KAZN: variants seen among roughly 807,000 people sequenced by gnomAD.
KAZN encodes the protein kazrin.
Under a neutral mutation model 87.4 loss-of-function variants are expected in KAZN, and 40 were observed. That is an observed-to-expected ratio of 0.46 (90% CI 0.36 to 0.60). The LOEUF (loss-of-function observed/expected upper bound fraction) is 0.60. KAZN is among the 20% of genes least tolerant of loss of function. The probability of loss-of-function intolerance (pLI) is 0.00; values close to 1 mark genes in which losing one functional copy is unlikely to be tolerated. For synonymous variants in KAZN, 466 were observed against 458.3 expected, an observed-to-expected ratio of 1.02 and a Z score of -0.22; for missense variants, 898 against 1,073.9, an observed-to-expected ratio of 0.84 and a Z score of 2.29.
intron 1 of KAZN, among the ~76,000 whole-genome samples, chr1:14,719,249 T>C (rs2100271625): frequency 6.6e-6 from 1 of 152,254 alleles, no homozygotes; most frequent in East Asian, 1.9e-4. Flanking sequence ...ATTATTCAGT[T>C]ATAGGTTCAT....
intron 2 of KAZN, among the ~76,000 whole-genome samples, chr1:14,407,875 T>C (rs576846524): frequency 3.9e-5 from 6 of 152,352 alleles, no homozygotes; most frequent in African/African-American, 1.4e-4. Context: ...GTGCTTATAT[T>C]GCTTTCAAAA....
At chr1:14,086,520 T>C (rs1056412966) in intron 1 of KAZN, among the ~76,000 whole-genome samples, 1 of 152,190 alleles carries the variant, frequency 6.6e-6, no homozygotes, top group East Asian at 1.9e-4. Flanking sequence ...TATTAAAAGG[T>C]TTTAATTTTG....
Position 15,104,139 on chromosome 1 carries a change from C to A in KAZN, c.1998C>A (p.Ile666=). The change falls in exon 13 of 15, where the codon ATC becomes ATA. Residue 666 remains isoleucine (I), a synonymous_variant. Transcript: ENST00000376030. ...TALGIPSGKH[I]LRRHLAEEMS... ...TGGGCATCCCCAGTGGGAAGCACAT[C>A]CTCCGGAGACACCTGGCAGAGGAGA... The A allele has an allele frequency of 1.2e-6, 2 of 1,606,008 alleles. No homozygotes were observed. The highest frequency in any genetic ancestry group is 1.7e-6 in the Non-Finnish European group (2 of 1,176,594).
At chr1:14,418,281 G>T (rs1260836222) in intron 2 of KAZN, among the ~76,000 whole-genome samples, 1 of 152,122 alleles carries the variant, frequency 6.6e-6, no homozygotes, top group Admixed American at 6.6e-5. Flanking sequence ...ACCCTGGCAG[G>T]CTATCTAACC....
chr1:14,940,397 C>T lies in KAZN; in HGVS notation c.227-20287C>T, dbSNP rs575503742. 2.0e-5 allele frequency among the ~76,000 whole-genome samples: 3 copies of T among 152,372 alleles called. No homozygotes were observed. The East Asian group carries it at 5.8e-4, about 29-fold the overall frequency. ...TCCACCCATTGGCCTGTGCCCTACA[C>T]TTGAGGATCTTACACACTGAGTCTG... On this transcript the variant is annotated intron_variant, in intron 1 of 14. Coordinates refer to ENST00000376030, the MANE Select transcript of KAZN (RefSeq NM_201628.3).
rs201506496 is a variant in KAZN, at chr1:14,784,973, T to TTA, written c.227-175710_227-175709insAT. Among the ~76,000 whole-genome samples the TTA allele has an allele frequency of 4.2e-3, 638 of 151,650 alleles. 4 individuals carry two copies. The highest frequency in any genetic ancestry group is 0.015 in the African/African-American group (615 of 41,260). ...TGATCTCGGCTAGACTGCTTACTTT[T>TTA]TTTTTTTTTTTTTTAAGCTGTAAAA... On this transcript the variant is annotated intron_variant, in intron 1 of 14. Transcript: ENST00000376030.
At chr1:14,428,631 C>A (rs1487790121) in intron 2 of KAZN, among the ~76,000 whole-genome samples, 1 of 152,086 alleles carries the variant, frequency 6.6e-6, no homozygotes, top group Non-Finnish European at 1.5e-5. Flanking sequence ...ACTCACAGTC[C>A]ACATGGCTTG....
At chr1:14,367,188 C>T (rs1390101314) in intron 2 of KAZN, among the ~76,000 whole-genome samples, 1 of 152,180 alleles carries the variant, frequency 6.6e-6, no homozygotes, top group Non-Finnish European at 1.5e-5. Context: ...AAGATCACAC[C>T]ACTGCACTCC....
chr1:15,040,337 C>G (rs1006184549), intron 3 of KAZN, among the ~76,000 whole-genome samples: 1 of 152,236 alleles, frequency 6.6e-6, no homozygotes, highest in Admixed American at 6.5e-5. Flanking sequence ...ATGGCCCACC[C>G]AACTTCTCCA....
intron 2 of KAZN, among the ~76,000 whole-genome samples, chr1:14,271,796 A>G (rs543838480): frequency 4.7e-4 from 72 of 152,316 alleles, no homozygotes; most frequent in Admixed American, 1.0e-3. Flanking sequence ...TGCTGGTCCA[A>G]TCAGCTATAT....
rs151178659 is a variant in KAZN at position 14,903,938 on chromosome 1, C to T, written c.227-56746C>T. Among the ~76,000 whole-genome samples, 635 of 152,276 alleles carry T rather than the reference C, an allele frequency of 4.2e-3. 5 individuals are homozygous for T. The highest frequency in any genetic ancestry group is 0.014 in the African/African-American group (602 of 41,566). On this transcript the variant is annotated intron_variant, in intron 1 of 14. Transcript: ENST00000376030. ...AAGCCCCAGGATGAGAAGCAGACTG[C>T]GGAAGGCCAGACAGCGAGGGCAGCA...
intron 1 of KAZN, among the ~76,000 whole-genome samples, chr1:14,008,833 C>T (rs1176790754): frequency 6.6e-6 from 1 of 152,156 alleles, no homozygotes; most frequent in Non-Finnish European, 1.5e-5. Context: ...CCATCTTAAC[C>T]ATTTTTAAGT....
At chr1:14,518,825 A>T (rs888187123) in intron 2 of KAZN, among the ~76,000 whole-genome samples, 1 of 152,262 alleles carries the variant, frequency 6.6e-6, no homozygotes, top group African/African-American at 2.4e-5. Flanking sequence ...CACAGTGCCA[A>T]GCACGTAGGT....
intron 2 of KAZN, among the ~76,000 whole-genome samples, chr1:14,265,243 G>C (rs1259718739): frequency 6.6e-6 from 1 of 152,142 alleles, no homozygotes; most frequent in African/African-American, 2.4e-5. Context: ...GATCTGTCAG[G>C]CCTCCTTGTA....
intron 1 of KAZN, among the ~76,000 whole-genome samples, chr1:13,989,346 G>A (rs1404209355): frequency 6.6e-6 from 1 of 152,108 alleles, no homozygotes; most frequent in Non-Finnish European, 1.5e-5. Flanking sequence ...TGGGTACTGT[G>A]GGGTTACACG....
intron 1 of KAZN, among the ~76,000 whole-genome samples, chr1:14,905,380 A>G (rs558011061): frequency 6.6e-6 from 1 of 152,308 alleles, no homozygotes; most frequent in East Asian, 1.9e-4. Flanking sequence ...CTCTTGGGCT[A>G]GAAAAACTCC....
rs143979982 is a variant in KAZN at position 13,953,102 on chromosome 1, C to T, written c.91+59346C>T. Among the ~76,000 whole-genome samples the T allele has an allele frequency of 4.6e-5, 7 of 152,186 alleles. No homozygotes were observed. In the East Asian group the frequency reaches 7.8e-4, roughly 17 times the overall value. On this transcript the variant is annotated intron_variant, in intron 1 of 16. Transcript: ENST00000636203. ...ACAGGCTGTGGTGGGAACTACAGAACGGCCCCCGAATTCAATAGACAATTG... is the reference window on the plus strand; with the variant it reads ...ACAGGCTGTGGTGGGAACTACAGAATGGCCCCCGAATTCAATAGACAATTG...
At chr1:14,909,763 T>C (rs142531838) in intron 1 of KAZN, among the ~76,000 whole-genome samples, 101 of 152,292 alleles carry the variant, frequency 6.6e-4, no homozygotes, top group South Asian at 3.3e-3. Flanking sequence ...AAATGCATGA[T>C]GGCCAGGCTT....
chr1:14,004,775 T>G (rs1639964366), intron 1 of KAZN, among the ~76,000 whole-genome samples: 1 of 152,166 alleles, frequency 6.6e-6, no homozygotes, highest in South Asian at 2.1e-4. Context: ...CTGGCAGTAT[T>G]GAGAGATGGG....
Sources: allele counts gnomAD v4.1 joint callset (sites outside exome capture counted in the v4.1 genomes callset), GRCh38; gene constraint gnomAD v4.1.1; transcripts MANE v1.5; gene names NCBI Gene and HGNC (gene_info 2026-07-23, HGNC 2026-07-21).